Variants in MAMSTR observed in about 807,000 individuals in gnomAD.
The protein encoded by MAMSTR is MEF2-activating motif and SAP domain-containing transcriptional regulator.
A neutral mutation model predicts 42.7 loss-of-function variants in MAMSTR; 41 were observed. That is an observed-to-expected ratio of 0.96 (90% CI 0.75 to 1.25). The LOEUF is 1.25. Among genes scored for constraint, MAMSTR ranks in the 50% most tolerant of loss-of-function variants. The pLI is 0.00. For synonymous variants in MAMSTR, 265 were observed against 244.1 expected (o/e 1.09, Z -0.80); for missense variants, 567 against 557.6 (o/e 1.02, Z -0.17).
At chr19:48,708,367 AT>A (rs1235129494), downstream of MAMSTR, among the ~76,000 whole-genome samples, 1 of 152,142 alleles carries the variant, frequency 6.6e-6, no homozygotes, top group Non-Finnish European at 1.5e-5. Flanking sequence ...TATAATATAA[AT>A]TAGTAATTTT....
chr19:48,709,118 T>A (rs1305692791), downstream of MAMSTR, among the ~76,000 whole-genome samples: 1 of 152,012 alleles, frequency 6.6e-6, no homozygotes, highest in African/African-American at 2.4e-5. Context: ...AGTGAAACCC[T>A]GTCTCTATAA....
At chr19:48,714,992 G>C in intron 5 of MAMSTR, 84 bp from the exon 6 acceptor site, 1 of 910,946 alleles carries the variant, frequency 1.1e-6, no homozygotes, top group South Asian at 1.6e-5. Flanking sequence ...ACGGGGAGCT[G>C]GGGAAGATGC....
chr19:48,717,819 C>G (rs983561044), intron 2 of MAMSTR, among the ~76,000 whole-genome samples: 2 of 152,148 alleles, frequency 1.3e-5, no homozygotes, highest in Admixed American at 1.3e-4. Context: ...ATTCTCCTGC[C>G]TCAGCCTCCC....
chr19:48,719,218 G>A lies in MAMSTR; in HGVS notation c.-21-166C>T, dbSNP rs1426037446. On this transcript the variant is annotated intron_variant, in intron 1 of 9. Coordinates refer to ENST00000318083, the MANE Select transcript of MAMSTR (RefSeq NM_001130915.2). This position sits in a 1 kb window ranked among gnomAD's most constrained non-coding sequence, Gnocchi z 4.4. ...CGGATCCCAGGGGCTGTAGAGGAGG[G>A]GGCTGCACACCCGGACACCTTGCTC... 6.6e-6 allele frequency among the ~76,000 whole-genome samples: 1 copy of A among 152,004 alleles called. No homozygotes were observed. Among genetic ancestry groups the A allele is most frequent in the Non-Finnish European group, 1.5e-5 (1 of 68,006 alleles).
Position 48,716,707 on chromosome 19 carries a change from T to C in MAMSTR, c.95A>G (p.Gln32Arg). The change falls in exon 3 of 10, where the codon CAG (glutamine) becomes CGG (arginine). Residue 32 changes from glutamine to arginine, a missense_variant and splice_region_variant. Gln to Arg is a conservative substitution (Grantham distance 43). Transcript: ENST00000318083. ...TCCCTTTTGGGGCCCATACTTACTC[T>C]GCTCCTGATTCCGTCTGTGGATCCG... ...QLRIHRRNQE[Q>R]ISDPDPWISA... The C allele has an allele frequency of 7.5e-7, 1 of 1,335,976 alleles. No individual in the cohort carries two copies. The highest frequency in any genetic ancestry group is 9.7e-7 in the Non-Finnish European group (1 of 1,034,630). The allele number at this position is 1,335,976 out of a possible 1,614,324, so 82.8% of individuals were successfully genotyped here.
At chr19:48,715,990 G>A (rs2033008179) in intron 3 of MAMSTR, 1 of 1,340,536 alleles carries the variant, frequency 7.5e-7, no homozygotes, top group South Asian at 1.8e-5. Context: ...ATCACAAAGG[G>A]GTGTGGTAGC....
downstream of MAMSTR, among the ~76,000 whole-genome samples, chr19:48,708,991 A>T (rs1370592768): frequency 6.6e-6 from 1 of 152,068 alleles, no homozygotes; most frequent in East Asian, 1.9e-4. Flanking sequence ...AGAGTGATAC[A>T]GTCAGAAAAG....
intron 7 of MAMSTR, 76 bp downstream of exon 7, chr19:48,714,290 T>C (rs1349299808): frequency 2.5e-6 from 3 of 1,219,056 alleles, no homozygotes; most frequent in Non-Finnish European, 3.2e-6. Context: ...CTTCATTGGC[T>C]AGTTTTTTCG....
downstream of MAMSTR, among the ~76,000 whole-genome samples, chr19:48,711,867 T>C (rs1016120855): frequency 6.7e-6 from 1 of 148,280 alleles, no homozygotes; most frequent in Admixed American, 7.0e-5. Flanking sequence ...TGCCTCAGCC[T>C]CCCGAGTAGC....
intron 7 of MAMSTR, 63 bp from the exon 8 acceptor site, chr19:48,714,108 C>G: frequency 4.1e-6 from 6 of 1,475,952 alleles, no homozygotes; most frequent in Non-Finnish European, 5.4e-6. Context: ...CCCACCCACT[C>G]GCAACGTGTG....
At position 48,713,852 on chromosome 19, in the gene MAMSTR, C is replaced by T; in HGVS notation, c.909+8G>A. Reference sequence around the variant, plus strand: ...AACCCTAGCCGGATTCAACCCACACCCTCTTACCTGCGCCCTCCGGATCGC... The same window carrying T: ...AACCCTAGCCGGATTCAACCCACACTCTCTTACCTGCGCCCTCCGGATCGC... On this transcript the variant is annotated splice_region_variant and intron_variant, in intron 8 of 9. Coordinates refer to ENST00000318083, the MANE Select transcript of MAMSTR (RefSeq NM_001130915.2). 6.2e-7 allele frequency: 1 copy of T among 1,613,896 alleles called. No individual in the cohort carries two copies. Among genetic ancestry groups the T allele is most frequent in the Non-Finnish European group, 8.5e-7 (1 of 1,179,834 alleles).
At chr19:48,707,890 A>AG (rs201371349), downstream of MAMSTR, among the ~76,000 whole-genome samples, 16 of 125,830 alleles carry the variant, frequency 1.3e-4, no homozygotes, top group African/African-American at 3.9e-4. Flanking sequence ...AAAGAAAGAA[A>AG]AGAAAGAAAG....
At chr19:48,708,241 AAAAAAAAAAAAAG>A (rs1163237179), downstream of MAMSTR, among the ~76,000 whole-genome samples, 1 of 49,158 alleles carries the variant, frequency 2.0e-5, no homozygotes, top group African/African-American at 8.2e-5. Flanking sequence ...CAAAAAAAAA[AAAAAAAAAAAAAG>A]AAGAAGAAGG....
intron 3 of MAMSTR, chr19:48,716,015 G>A: frequency 8.0e-7 from 1 of 1,257,294 alleles, no homozygotes; most frequent in Non-Finnish European, 1.0e-6. Flanking sequence ...GATCACAGAT[G>A]TCTGAGGTTT....
In MAMSTR at chr19:48,714,142, G is replaced by C. The variant is rs577078584; in HGVS notation, c.724-97C>G. 9.0e-6 allele frequency: 12 copies of C among 1,330,984 alleles called. No individual in the cohort carries two copies. The South Asian group carries it at 1.7e-4, about 19-fold the overall frequency. 82.4% of individuals were successfully genotyped at this position (1,330,984 alleles called of 1,614,324 possible). On this transcript the variant is annotated intron_variant, in intron 7 of 9. Transcript: ENST00000318083. Reference sequence around the variant, plus strand: ...TGGCTCCACCCCTTGATCCTCTCGCGACCCCTCGCTCATCAACCCCTTTGG... The same window carrying C: ...TGGCTCCACCCCTTGATCCTCTCGCCACCCCTCGCTCATCAACCCCTTTGG...
downstream of MAMSTR, among the ~76,000 whole-genome samples, chr19:48,710,444 C>G (rs1215906685): frequency 1.1e-4 from 13 of 119,916 alleles, no homozygotes; most frequent in Admixed American, 1.2e-3. Context: ...TTTTGAAACA[C>G]AGGATCTTGA....
chr19:48,707,859 G>GAAAGAAAGAA (rs2032670366), downstream of MAMSTR, among the ~76,000 whole-genome samples: 1 of 99,242 alleles, frequency 1.0e-5, no homozygotes, highest in Admixed American at 1.0e-4. Flanking sequence ...AAGAAAGAAA[G>GAAAGAAAGAA]AAAGAAAGAA....
At chr19:48,718,778 G>A (rs894687615) in intron 2 of MAMSTR, among the ~76,000 whole-genome samples, 196 bp downstream of exon 2, 1 of 151,956 alleles carries the variant, frequency 6.6e-6, no homozygotes, top group Non-Finnish European at 1.5e-5. Context: ...TGCTCCCCCC[G>A]TGAGCATGCT....
In MAMSTR at chr19:48,713,547, G is replaced by T; in HGVS notation, c.968C>A (p.Pro323His). The change falls in exon 10 of 10, where the codon CCC becomes CAC. Residue 323 changes from proline to histidine, a missense_variant. By Grantham distance (77) the Pro-to-His change is moderately conservative. Coordinates refer to ENST00000318083, the MANE Select transcript of MAMSTR (RefSeq NM_001130915.2). ...GAAGTCCAGGGGAATAGGGGGCAGG[G>T]GGTCTGCGGGATAAAGAATGGTACA... ...ILEDQVEPDD[P>H]LPPIPLDFPG... is the part of the protein sequence containing the mutation. The T allele has an allele frequency of 1.2e-6, 2 of 1,610,034 alleles. No homozygotes were observed. The highest frequency in any genetic ancestry group is 8.5e-7 in the Non-Finnish European group (1 of 1,178,500).
Sources: allele counts gnomAD v4.1 joint callset (sites outside exome capture counted in the v4.1 genomes callset), GRCh38; gene constraint gnomAD v4.1.1; non-coding constraint Gnocchi (gnomAD v3.1); transcripts MANE v1.5; gene names NCBI Gene and HGNC (gene_info 2026-07-23, HGNC 2026-07-21).